Variants in TMEM134 observed in about 807,000 individuals in gnomAD.
TMEM134 encodes transmembrane protein 134.
Under a neutral mutation model 26.2 loss-of-function variants are expected in TMEM134, and 36 were observed. The observed-to-expected ratio is 1.37, with a 90% CI of 1.05 to 1.81. TMEM134 has a LOEUF of 1.81. TMEM134 is among the 40% of genes most tolerant of loss of function. The pLI is 0.00. For missense variants in TMEM134, 339 were observed against 263.5 expected (o/e 1.29, Z -1.98); for synonymous variants, 133 against 113.6 (o/e 1.17, Z -1.08).
chr11:67,467,047 A>G, intron 4 of TMEM134: 1 of 558,360 alleles, frequency 1.8e-6, no homozygotes, highest in Non-Finnish European at 3.2e-6. Flanking sequence ...TAATGGATTT[A>G]AACAGGTTAA....
chr11:67,467,349 C>T lies in TMEM134; in HGVS notation c.369G>A (p.Val123=). 1.9e-6 allele frequency: 3 copies of T among 1,613,878 alleles called. No homozygotes were observed. Among genetic ancestry groups the T allele is most frequent in the Non-Finnish European group, 2.5e-6 (3 of 1,179,872 alleles). The part of the protein sequence containing the change: ...QHPLIQKNRR[V]VLASFLLLLL... ...GCAGGAGCAGGAAGGAGGCCAGCAC[C>T]ACTCGGCGGTTCTTCTGGATCAAAG... is the stretch of plus-strand genomic sequence containing the variant. The change falls in exon 4 of 7, where the codon GTG becomes GTA. Residue 123 remains valine, a synonymous_variant. Transcript: ENST00000308022.
rs1865347941 is a variant in TMEM134, at chr11:67,467,558, T to C, written c.272A>G (p.Gln91Arg). The C allele has an allele frequency of 1.9e-6, 3 of 1,613,932 alleles. No homozygotes were observed. The highest frequency in any genetic ancestry group is 2.5e-6 in the Non-Finnish European group (3 of 1,180,020). Reference protein sequence around the residue: ...DSSRTSIRSSQWSFSTISSST... With the variant: ...DSSRTSIRSSRWSFSTISSST... ...GCTGCTGATGGTGCTGAAGGACCAC[T>C]GGGAGCTGCGGATGGAAGTTCGGCT... Residue 91 changes from glutamine to arginine, a missense_variant, in exon 3 of 7, where the codon CAG becomes CGG. By Grantham distance (43) the Gln-to-Arg change is conservative. Coordinates refer to ENST00000308022, the MANE Select transcript of TMEM134 (RefSeq NM_025124.4).
intron 1 of TMEM134, 62 bp from the exon 2 acceptor site, chr11:67,468,154 G>A (rs1865400814): frequency 4.7e-6 from 7 of 1,480,794 alleles, no homozygotes; most frequent in South Asian, 1.2e-5. Flanking sequence ...ACTCCCTCCC[G>A]GGAAGAGAAA....
In TMEM134 at chr11:67,467,245, C is replaced by G. The variant is rs546771987; in HGVS notation, c.406+67G>C. ...GCTCAGTGTCAAGGGGGAGGCAGAG[C>G]CTGTACAAAAGGAGGGCAGAGCCTC... is the stretch of plus-strand genomic sequence containing the variant. On this transcript the variant is annotated intron_variant, in intron 4 of 6. Transcript: ENST00000308022. 6.0e-4 allele frequency: 882 copies of G among 1,481,146 alleles called. 5 individuals carry two copies. Among genetic ancestry groups the G allele is most frequent in the Middle Eastern group, 4.2e-3 (19 of 4,550 alleles). The allele number at this position is 1,481,146 out of a possible 1,614,324, so 91.8% of individuals were successfully genotyped here.
chr11:67,464,718 C>A (rs544032074), intron 6 of TMEM134, 22 bp from the exon 7 acceptor site: 17 of 1,550,752 alleles, frequency 1.1e-5, no homozygotes, highest in Non-Finnish European at 1.5e-5. Flanking sequence ...GGCCTGTCAG[C>A]GCAGAAGCCC....
rs778616283 is a variant in TMEM134 at position 67,465,200 on chromosome 11, C to T, written c.407-100G>A. On this transcript the variant is annotated intron_variant, in intron 4 of 6. Coordinates refer to ENST00000308022, the MANE Select transcript of TMEM134 (RefSeq NM_025124.4). ...TCACCCACCACCTGAGCTGAAGGTG[C>T]CCTAGGCAGAGACCCTCCCCAGGAA... The T allele has an allele frequency of 9.8e-6, 15 of 1,533,244 alleles. No homozygotes were observed. In the East Asian group the frequency reaches 3.2e-4, roughly 33 times the overall value. 95.0% of individuals were successfully genotyped at this position (1,533,244 alleles called of 1,614,324 possible).
Position 67,461,723 on chromosome 11 carries a change from G to T in TMEM134, c.*2891C>A, listed in dbSNP as rs947296179. 2 of 152,156 alleles carry T rather than the reference G, an allele frequency of 1.3e-5. No homozygotes were observed. Among genetic ancestry groups the T allele is most frequent in the African/African-American group, 4.8e-5 (2 of 41,440 alleles). 9.4% of individuals were successfully genotyped at this position (152,156 alleles called of 1,614,324 possible). On this transcript the variant is annotated 3_prime_UTR_variant, in exon 7 of 7. Coordinates refer to ENST00000308022, the MANE Select transcript of TMEM134 (RefSeq NM_025124.4). ...TCAACAAATGAGTGTGGCTATATCAGAAATTTTAATAAATAACAGTAAAAC... is the reference window on the plus strand; with the variant it reads ...TCAACAAATGAGTGTGGCTATATCATAAATTTTAATAAATAACAGTAAAAC...
At chr11:67,466,727 C>T (rs947533099) in intron 4 of TMEM134, 1 of 160,890 alleles carries the variant, frequency 6.2e-6, no homozygotes, top group African/African-American at 2.4e-5. Context: ...CTCCTCTACC[C>T]CAAAGAACGA....
At position 67,462,380 on chromosome 11, in the gene TMEM134, G is replaced by A. The variant is rs575552927; in HGVS notation, c.*2234C>T. Reference sequence around the variant, plus strand: ...TATTTTTTTTTTTTTTGGAGACAGAGTCTCGCTCTGTCGCTCAGGCTGGAG... The same window carrying A: ...TATTTTTTTTTTTTTTGGAGACAGAATCTCGCTCTGTCGCTCAGGCTGGAG... On this transcript the variant is annotated 3_prime_UTR_variant, in exon 7 of 7. Coordinates refer to ENST00000308022, the MANE Select transcript of TMEM134 (RefSeq NM_025124.4). The A allele has an allele frequency of 1.3e-5, 2 of 148,502 alleles. No homozygotes were observed. The highest frequency in any genetic ancestry group is 1.3e-4 in the Admixed American group (2 of 14,964). 9.2% of individuals were successfully genotyped at this position (148,502 alleles called of 1,614,324 possible). A position where few individuals can be genotyped will look rare whatever the true frequency, so the allele number is the denominator to read the frequency against.
rs976229640 is a variant in TMEM134, at chr11:67,467,510, G to A, written c.320C>T (p.Thr107Ile). 6.2e-7 allele frequency: 1 copy of A among 1,613,948 alleles called. No individual in the cohort carries two copies. The highest frequency in any genetic ancestry group is 1.3e-5 in the African/African-American group (1 of 74,928). Residue 107 changes from threonine to isoleucine, a missense_variant, in exon 3 of 7, where the codon ACC becomes ATC. Physicochemically the swap from Thr to Ile is moderately conservative, Grantham distance 89 (BLOSUM62 -1). Coordinates refer to ENST00000308022, the MANE Select transcript of TMEM134 (RefSeq NM_025124.4). ...ISSSTQRSYN[T>I]CCSWTQHPLI... ...AGGCGGGCAGGCTCACCTGCAGCAG[G>A]TGTTGTAGGAGCGCTGGGTGCTGCT...
chr11:67,467,712 G>A, intron 2 of TMEM134, 122 bp from the exon 3 acceptor site: 2 of 910,872 alleles, frequency 2.2e-6, no homozygotes, highest in South Asian at 1.4e-5. Context: ...CAGGATAGTG[G>A]GCCCTGAGAG....
intron 4 of TMEM134, 72 bp downstream of exon 4, chr11:67,467,240 C>A: frequency 6.9e-7 from 1 of 1,452,058 alleles, no homozygotes; most frequent in Non-Finnish European, 9.6e-7. Context: ...AAGGGGGAGG[C>A]AGAGCCTGTA....
At position 67,467,318 on chromosome 11, in the gene TMEM134, C is replaced by A. The variant is rs760202079; in HGVS notation, c.400G>T (p.Gly134Trp). 1.5e-5 allele frequency: 25 copies of A among 1,613,672 alleles called. 1 individual carries two copies. The South Asian group carries it at 2.4e-4, about 16-fold the overall frequency. ...VLASFLLLLL[G>W]LVLILVGVGL... ...AACCCTCAGGGCCACTCACCCAGCC[C>A]CAGCAGCAGGAGCAGGAAGGAGGCC... Residue 134 changes from glycine to tryptophan, a missense_variant, in exon 4 of 7, where the codon GGG (glycine) becomes TGG (tryptophan). Transcript: ENST00000308022.
intron 4 of TMEM134, among the ~76,000 whole-genome samples, chr11:67,465,707 C>A (rs1865207115): frequency 6.6e-6 from 1 of 151,966 alleles, no homozygotes; most frequent in Non-Finnish European, 1.5e-5. Context: ...AGGAAGATCG[C>A]TTGAGGCCAG....
rs1031512471 is a variant in TMEM134 at position 67,462,687 on chromosome 11, A to G, written c.*1927T>C. On this transcript the variant is annotated 3_prime_UTR_variant, in exon 7 of 7. Transcript: ENST00000308022. The stretch of plus-strand genomic sequence containing the variant: ...TTTTTATTTCATTTTTCTAGTTTTT[A>G]AAATTTTTATGTTATTTATTTATTT... 2 of 150,610 alleles carry G rather than the reference A, an allele frequency of 1.3e-5. No homozygotes were observed. The highest frequency in any genetic ancestry group is 3.9e-4 in the East Asian group (2 of 5,090). The allele number at this position is 150,610 out of a possible 1,614,324, so 9.3% of individuals were successfully genotyped here. A position where few individuals can be genotyped will look rare whatever the true frequency, so the allele number is the denominator to read the frequency against.
intron 1 of TMEM134, 150 bp downstream of exon 1, chr11:67,468,869 G>T: frequency 1.2e-6 from 1 of 864,282 alleles, no homozygotes; most frequent in Non-Finnish European, 1.6e-6. Flanking sequence ...CAGGGCTCTG[G>T]ATCAAGAGTC....
intron 2 of TMEM134, 56 bp downstream of exon 2, chr11:67,467,972 C>T (rs888908256): frequency 1.3e-6 from 2 of 1,498,822 alleles, no homozygotes; most frequent in Non-Finnish European, 1.8e-6. Flanking sequence ...GAGCAGGGTC[C>T]CTGGGGATAG....
At chr11:67,464,912 C>G in intron 5 of TMEM134, 56 bp from the exon 6 acceptor site, 1 of 1,595,256 alleles carries the variant, frequency 6.3e-7, no homozygotes, top group Admixed American at 1.7e-5. Flanking sequence ...TCGAGGCCTT[C>G]CGGGCTGCCG....
At chr11:67,467,786 G>A (rs1865367300) in intron 2 of TMEM134, 196 bp from the exon 3 acceptor site, 1 of 668,368 alleles carries the variant, frequency 1.5e-6, no homozygotes, top group Non-Finnish European at 2.6e-6. Context: ...TAGGACAGGT[G>A]ACCTGTATGA....
Sources: gnomAD v4.1 joint callset for allele counts (sites outside exome capture counted in the v4.1 genomes callset) on GRCh38, gnomAD v4.1.1 for gene constraint, MANE v1.5 for transcripts, NCBI Gene and HGNC (gene_info 2026-07-23, HGNC 2026-07-21) for gene names.